ZNF70: variants seen among roughly 807,000 people sequenced by gnomAD.
The protein encoded by ZNF70 is zinc finger protein N27C7-1.
Under a neutral mutation model 37.7 loss-of-function variants are expected in ZNF70, and 18 were observed. That is an observed-to-expected ratio of 0.48 (90% confidence interval 0.33 to 0.71). ZNF70 has a LOEUF of 0.71. ZNF70 is among the 30% of genes least tolerant of loss of function. The pLI is 0.02. For synonymous variants in ZNF70, 219 were observed against 220.1 expected (o/e 0.99, Z 0.05); for missense variants, 506 against 568.6 (o/e 0.89, Z 1.12).
In ZNF70 at chr22:23,741,779, T is replaced by A. The variant is rs1229092079; in HGVS notation, c.*2021A>T. 1 of 152,278 alleles carries A rather than the reference T, an allele frequency of 6.6e-6. No homozygotes were observed. Among genetic ancestry groups the A allele is most frequent in the East Asian group, 1.9e-4 (1 of 5,190 alleles). 9.4% of individuals were successfully genotyped at this position (152,278 alleles called of 1,614,324 possible). ...CCAAGGGAAGCCAGGACTAAAGAGA[T>A]CCCCAAGGCCCCAGCCAAACACTTT... On this transcript the variant is annotated 3_prime_UTR_variant, in exon 2 of 2. Transcript: ENST00000341976.
Position 23,743,926 on chromosome 22 carries a change from G to C in ZNF70, c.1215C>G (p.Ala405=). 6.2e-7 allele frequency: 1 copy of C among 1,613,310 alleles called. No individual in the cohort carries two copies. Among genetic ancestry groups the C allele is most frequent in the Non-Finnish European group, 8.5e-7 (1 of 1,179,254 alleles). ...ECGKAFRHRS[A]LIEHYKTHTR... ...TGTGGGTTTTATAGTGCTCAATGAG[G>C]GCTGACCGGTGCCGGAAGGCTTTGC... Residue 405 remains alanine (A), a synonymous_variant, in exon 2 of 2, where the codon GCC becomes GCG. Transcript: ENST00000341976.
At chr22:23,747,458 C>T (rs1925168031) in intron 1 of ZNF70, among the ~76,000 whole-genome samples, 1 of 152,158 alleles carries the variant, frequency 6.6e-6, no homozygotes, top group African/African-American at 2.4e-5. Context: ...CCCACCCATT[C>T]ATGGAAAAAT....
Position 23,741,153 on chromosome 22 carries a change from C to T in ZNF70, c.*2647G>A, listed in dbSNP as rs1414400752. Reference sequence around the variant, plus strand: ...TTGTGCAAAATGATGCTTTAAAAATCAATTTGGCTGGGGTGTGCAGGAAGG... The same window carrying T: ...TTGTGCAAAATGATGCTTTAAAAATTAATTTGGCTGGGGTGTGCAGGAAGG... On this transcript the variant is annotated 3_prime_UTR_variant, in exon 2 of 2. Coordinates refer to ENST00000341976, the MANE Select transcript of ZNF70 (RefSeq NM_021916.4). 3.3e-5 allele frequency: 5 copies of T among 152,164 alleles called. No homozygotes were observed. Among genetic ancestry groups the T allele is most frequent in the African/African-American group, 9.7e-5 (4 of 41,402 alleles). The allele number at this position is 152,164 out of a possible 1,614,324, so 9.4% of individuals were successfully genotyped here.
In ZNF70 at chr22:23,750,996, G is replaced by A. The variant is rs1393686874; in HGVS notation, c.-365C>T. The A allele has an allele frequency of 6.6e-6, 1 of 152,274 alleles. No homozygotes were observed. Among genetic ancestry groups the A allele is most frequent in the East Asian group, 1.9e-4 (1 of 5,206 alleles). 9.4% of individuals were successfully genotyped at this position (152,274 alleles called of 1,614,324 possible). A position where few individuals can be genotyped will look rare whatever the true frequency, so the allele number is the denominator to read the frequency against. On this transcript the variant is annotated 5_prime_UTR_variant, in exon 1 of 2. Coordinates refer to ENST00000341976, the MANE Select transcript of ZNF70 (RefSeq NM_021916.4). ...GGCCACTCACCTGGGCCGGGGCGGG[G>A]CAGCTCACCTGGGCCGGGGCGGGGC...
rs748528517 is a variant in ZNF70 at position 23,744,064 on chromosome 22, G to C, written c.1077C>G (p.Thr359=). 8 of 1,614,162 alleles carry C rather than the reference G, an allele frequency of 5.0e-6. No homozygotes were observed. In the South Asian group the frequency reaches 8.8e-5, roughly 18 times the overall value. Residue 359 remains threonine, a synonymous_variant, in exon 2 of 2, where the codon ACC becomes ACG. Coordinates refer to ENST00000341976, the MANE Select transcript of ZNF70 (RefSeq NM_021916.4). ...GACAGCACTCGTAGGGCTTCTCACC[G>C]GTGTGGATGCGCTGGTGCTCAATGA... is the stretch of plus-strand genomic sequence containing the variant. The part of the protein sequence containing the change: ...SSLIEHQRIH[T]GEKPYECCQC...
chr22:23,748,763 T>A (rs1925218392), intron 1 of ZNF70, among the ~76,000 whole-genome samples: 1 of 151,938 alleles, frequency 6.6e-6, no homozygotes, highest in Admixed American at 6.6e-5. Context: ...CAGGCTGGTC[T>A]CGAACTCCTG....
chr22:23,745,228 A>C lies in ZNF70; in HGVS notation c.-79-9T>G. On this transcript the variant is annotated splice_polypyrimidine_tract_variant and intron_variant, in intron 1 of 1. Transcript: ENST00000341976. ...CTTACTGTTCTCACAATCTGAAAAGAAAACAGGGAACTCTGTCAAGTCAGC... is the reference window on the plus strand; with the variant it reads ...CTTACTGTTCTCACAATCTGAAAAGCAAACAGGGAACTCTGTCAAGTCAGC... 1 of 1,433,158 alleles carries C rather than the reference A, an allele frequency of 7.0e-7. No individual in the cohort carries two copies. The highest frequency in any genetic ancestry group is 9.5e-7 in the Non-Finnish European group (1 of 1,056,134). 88.8% of individuals were successfully genotyped at this position (1,433,158 alleles called of 1,614,324 possible). A position where few individuals can be genotyped will look rare whatever the true frequency, so the allele number is the denominator to read the frequency against.
rs1924866773 is a variant in ZNF70 at position 23,741,242 on chromosome 22, G to A, written c.*2558C>T. On this transcript the variant is annotated 3_prime_UTR_variant, in exon 2 of 2. Coordinates refer to ENST00000341976, the MANE Select transcript of ZNF70 (RefSeq NM_021916.4). ...GCCAGATGATAACGGTGGGGAAGAGGGGCAGGTGTAAAGAGGAGGTAGATC... is the reference window on the plus strand; with the variant it reads ...GCCAGATGATAACGGTGGGGAAGAGAGGCAGGTGTAAAGAGGAGGTAGATC... 1 of 152,172 alleles carries A rather than the reference G, an allele frequency of 6.6e-6. No individual in the cohort carries two copies. Among genetic ancestry groups the A allele is most frequent in the Admixed American group, 6.6e-5 (1 of 15,266 alleles). The allele number at this position is 152,172 out of a possible 1,614,324, so 9.4% of individuals were successfully genotyped here. A position where few individuals can be genotyped will look rare whatever the true frequency, so the allele number is the denominator to read the frequency against.
chr22:23,739,298 CAG>C lies in ZNF70; in HGVS notation c.*4500_*4501del, dbSNP rs1569132740. ...TTTTTTATATATATTTTTTTTGAGA[CAG>C]AGTCTAGCTCTTTTGCCCAGGCTGG... On this transcript the variant is annotated 3_prime_UTR_variant, in exon 2 of 2. Transcript: ENST00000341976. 2 of 151,898 alleles carry C rather than the reference CAG, an allele frequency of 1.3e-5. No homozygotes were observed. The highest frequency in any genetic ancestry group is 4.8e-5 in the African/African-American group (2 of 41,374). 9.4% of individuals were successfully genotyped at this position (151,898 alleles called of 1,614,324 possible). A position where few individuals can be genotyped will look rare whatever the true frequency, so the allele number is the denominator to read the frequency against.
rs1924973444 is a variant in ZNF70 at position 23,743,864 on chromosome 22, T to A, written c.1277A>T (p.Lys426Met). Reference sequence around the variant, plus strand: ...CAGGTGCGAGCTCCCCCGGAAGGACTTGCCGCACAGATTGCACACGTAGGG... The same window carrying A: ...CAGGTGCGAGCTCCCCCGGAAGGACATGCCGCACAGATTGCACACGTAGGG... ...EKPYVCNLCG[K>M]SFRGSSHLIR... is the part of the protein sequence containing the mutation. Residue 426 changes from lysine to methionine, a missense_variant, in exon 2 of 2, where the codon AAG becomes ATG. Lys to Met is a moderately conservative substitution (Grantham distance 95, BLOSUM62 -1). Coordinates refer to ENST00000341976, the MANE Select transcript of ZNF70 (RefSeq NM_021916.4). 1 of 1,614,102 alleles carries A rather than the reference T, an allele frequency of 6.2e-7. No individual in the cohort carries two copies. Among genetic ancestry groups the A allele is most frequent in the African/African-American group, 1.3e-5 (1 of 74,948 alleles).
intron 1 of ZNF70, among the ~76,000 whole-genome samples, chr22:23,750,264 G>C (rs1448909197): frequency 6.6e-6 from 1 of 152,060 alleles, no homozygotes; most frequent in Admixed American, 6.6e-5. Context: ...TGAAGATCCT[G>C]CTATGTTATG....
At position 23,744,339 on chromosome 22, in the gene ZNF70, TCAGGC is replaced by T. The variant is rs955547086; in HGVS notation, c.797_801del (p.Gly266GlufsTer45). On this transcript the variant is annotated frameshift_variant, in exon 2 of 2. Coordinates refer to ENST00000341976, the MANE Select transcript of ZNF70 (RefSeq NM_021916.4). LOFTEE classifies it high-confidence loss of function. ...AGGGTGTGGATCTTCCGATGCTGGC[TCAGGC>T]CTGAGCTCTGGTTGAAGGATTTCCC... 2.5e-6 allele frequency: 4 copies of T among 1,614,064 alleles called. No individual in the cohort carries two copies. The Admixed American group carries it at 6.7e-5, about 27-fold the overall frequency.
At position 23,740,704 on chromosome 22, in the gene ZNF70, A is replaced by T. The variant is rs936695978; in HGVS notation, c.*3096T>A. 2 of 146,376 alleles carry T rather than the reference A, an allele frequency of 1.4e-5. No homozygotes were observed. Among genetic ancestry groups the T allele is most frequent in the Admixed American group, 6.9e-5 (1 of 14,408 alleles). The allele number at this position is 146,376 out of a possible 1,614,324, so 9.1% of individuals were successfully genotyped here. On this transcript the variant is annotated 3_prime_UTR_variant, in exon 2 of 2. Coordinates refer to ENST00000341976, the MANE Select transcript of ZNF70 (RefSeq NM_021916.4). ...AACCCGGGAGGCAGAGGTTGCAGCA[A>T]GCCAAGATCGCACCACTGCACTCCA...
At position 23,749,527 on chromosome 22, in the gene ZNF70, C is replaced by CAAAA. The variant is rs61374101; in HGVS notation, c.-80+1180_-80+1183dup. On this transcript the variant is annotated intron_variant, in intron 1 of 1. Transcript: ENST00000341976. ...TGGGCGACAGGACGAGACTCCGTCT[C>CAAAA]AAAAAAAAAAAAAAAAAAAAAAAAA... Among the ~76,000 whole-genome samples, 153 of 24,102 alleles carry CAAAA rather than the reference C, an allele frequency of 6.3e-3. 25 individuals are homozygous for CAAAA. The highest frequency in any genetic ancestry group is 0.016 in the Admixed American group (24 of 1,476). 15.8% of individuals were successfully genotyped at this position (24,102 alleles called of 152,430 possible).
In ZNF70 at chr22:23,742,609, A is replaced by C. The variant is rs974619476; in HGVS notation, c.*1191T>G. ...CACTGCTCAGAAACCAGACGGGAACATCTCTCCAGTCCGTGGAAATGCACA... is the reference window on the plus strand; with the variant it reads ...CACTGCTCAGAAACCAGACGGGAACCTCTCTCCAGTCCGTGGAAATGCACA... On this transcript the variant is annotated 3_prime_UTR_variant, in exon 2 of 2. Coordinates refer to ENST00000341976, the MANE Select transcript of ZNF70 (RefSeq NM_021916.4). The C allele has an allele frequency of 5.1e-4, 78 of 152,372 alleles. No homozygotes were observed. The highest frequency in any genetic ancestry group is 4.6e-3 in the Admixed American group (71 of 15,276). 9.4% of individuals were successfully genotyped at this position (152,372 alleles called of 1,614,324 possible).
rs773678753 is a variant in ZNF70 at position 23,744,726 on chromosome 22, G to T, written c.415C>A (p.Pro139Thr). The T allele has an allele frequency of 3.1e-6, 5 of 1,614,240 alleles. No individual in the cohort carries two copies. Among genetic ancestry groups the T allele is most frequent in the Non-Finnish European group, 4.2e-6 (5 of 1,180,048 alleles). The stretch of plus-strand genomic sequence containing the variant: ...TTCCCACACTCTCGACACGCATAGG[G>T]CTTGGCTGGTTGTGGGGTTCTGTGA... ...APHRTPQPAK[P>T]YACRECGKAF... The change falls in exon 2 of 2, where the codon CCC becomes ACC. Residue 139 changes from proline (P) to threonine (T), a missense_variant. Physicochemically the swap from Pro to Thr is conservative, Grantham distance 38 (BLOSUM62 -1). Coordinates refer to ENST00000341976, the MANE Select transcript of ZNF70 (RefSeq NM_021916.4).
Position 23,744,161 on chromosome 22 carries a change from C to A in ZNF70, c.980G>T (p.Arg327Leu), listed in dbSNP as rs150605230. The A allele has an allele frequency of 1.9e-6, 3 of 1,613,382 alleles. No homozygotes were observed. Among genetic ancestry groups the A allele is most frequent in the Admixed American group, 3.3e-5 (2 of 59,926 alleles). The part of the protein sequence containing the change: ...FSQSSNLIEH[R>L]KTHTGEKPYK... ...GGGCTTCTCGCCAGTGTGGGTCTTG[C>A]GGTGCTCAATGAGGTTGGAGCTCTG... Residue 327 changes from arginine to leucine, a missense_variant, in exon 2 of 2, where the codon CGC becomes CTC. Physicochemically the swap from Arg to Leu is moderately radical, Grantham distance 102. Coordinates refer to ENST00000341976, the MANE Select transcript of ZNF70 (RefSeq NM_021916.4).
In ZNF70 at chr22:23,744,440, C is replaced by T. The variant is rs1312843052; in HGVS notation, c.701G>A (p.Ser234Asn). ...GTGTTTTCTGAGGCTGGAGCTCCGG[C>T]TGAAATCTTTCCCGCATTCCCTGCA... ...YECRECGKDF[S>N]RSSSLRKHER... The change falls in exon 2 of 2, where the codon AGC becomes AAC. Residue 234 changes from serine to asparagine, a missense_variant. Coordinates refer to ENST00000341976, the MANE Select transcript of ZNF70 (RefSeq NM_021916.4). 6 of 1,614,020 alleles carry T rather than the reference C, an allele frequency of 3.7e-6. No individual in the cohort carries two copies. Among genetic ancestry groups the T allele is most frequent in the Non-Finnish European group, 3.4e-6 (4 of 1,180,038 alleles).
intron 1 of ZNF70, among the ~76,000 whole-genome samples, chr22:23,745,769 T>G (rs1252598735): frequency 2.0e-5 from 3 of 151,880 alleles, no homozygotes; most frequent in Non-Finnish European, 1.5e-5. Context: ...AGACTCTATC[T>G]CAAACAACAA....
Sources: gnomAD v4.1 joint callset for allele counts (sites outside exome capture counted in the v4.1 genomes callset) on GRCh38, gnomAD v4.1.1 for gene constraint, MANE v1.5 for transcripts, NCBI Gene and HGNC (gene_info 2026-07-23, HGNC 2026-07-21) for gene names.